The following SORCS3 variants were observed in gnomAD, a reference collection of about 807,000 sequenced individuals.
SORCS3 encodes the protein sortilin related VPS10 domain containing receptor 3, also known as VPS10 domain-containing receptor SorCS3.
Under a neutral mutation model 146.3 loss-of-function variants are expected in SORCS3, and 57 were observed. The observed-to-expected ratio is 0.39, with a 90% confidence interval of 0.31 to 0.49. The LOEUF is 0.49. Ranked by LOEUF, SORCS3 falls within the 20% of genes least tolerant of loss-of-function variation. The pLI, the probability that SORCS3 is intolerant of heterozygous loss-of-function variation, is 0.92. For synonymous variants in SORCS3, 653 were observed against 618.5 expected (o/e 1.06, Z -0.83); for missense variants, 1,341 against 1,575.5 (o/e 0.85, Z 2.52).
At chr10:105,179,719 A>G (rs1415976492) in intron 14 of SORCS3, among the ~76,000 whole-genome samples, 2 of 152,176 alleles carry the variant, frequency 1.3e-5, no homozygotes, top group Admixed American at 1.3e-4. Context: ...TTCTATCTCT[A>G]TTCTAAATTT....
chr10:104,694,488 A>C (rs570520356), intron 1 of SORCS3, among the ~76,000 whole-genome samples: 12 of 152,162 alleles, frequency 7.9e-5, no homozygotes, highest in African/African-American at 2.9e-4. Flanking sequence ...ACAAGCCTTC[A>C]TTCCCCAGCT....
chr10:105,222,558 C>G (rs1233837409), intron 19 of SORCS3, among the ~76,000 whole-genome samples: 1 of 152,150 alleles, frequency 6.6e-6, no homozygotes, highest in Non-Finnish European at 1.5e-5. Context: ...TATTTGGGAA[C>G]CTGGCATTTG....
intron 4 of SORCS3, among the ~76,000 whole-genome samples, chr10:105,004,818 G>A (rs74155086): frequency 6.9e-6 from 1 of 145,472 alleles, no homozygotes; most frequent in African/African-American, 2.6e-5. Flanking sequence ...GGGGGGAAGT[G>A]GGGGGCGGGG....
rs541608235 is a variant in SORCS3 at position 105,067,280 on chromosome 10, A to T, written c.1029-22495A>T. ...GGTGGCTCAAGCCTGTAATCCCAAC[A>T]CTTTGGGAGGCCAAGGCAGGCAGAT... On this transcript the variant is annotated intron_variant, in intron 5 of 26. Transcript: ENST00000369701. 3.7e-3 allele frequency among the ~76,000 whole-genome samples: 566 copies of T among 152,310 alleles called. 1 individual carries two copies. Among genetic ancestry groups the T allele is most frequent in the Non-Finnish European group, 6.7e-3 (455 of 68,022 alleles).
At chr10:105,009,882 T>G (rs1258472033) in intron 4 of SORCS3, among the ~76,000 whole-genome samples, 1 of 152,172 alleles carries the variant, frequency 6.6e-6, no homozygotes, top group Non-Finnish European at 1.5e-5. Flanking sequence ...TCTCCCTGAC[T>G]TCCCATTTCT....
chr10:105,190,351 A>T (rs79317511), intron 14 of SORCS3, among the ~76,000 whole-genome samples: 1,928 of 152,320 alleles, frequency 0.013, 12 homozygotes, highest in East Asian at 0.02. Flanking sequence ...ATCCATGCAT[A>T]GTTGTTAGCA....
chr10:104,721,359 A>G (rs1191275255), intron 1 of SORCS3, among the ~76,000 whole-genome samples: 1 of 152,200 alleles, frequency 6.6e-6, no homozygotes, highest in South Asian at 2.1e-4. Context: ...TACCAGTACC[A>G]TGCTGTTTTG....
At chr10:105,016,674 A>C (rs901994097) in intron 4 of SORCS3, among the ~76,000 whole-genome samples, 2 of 152,076 alleles carry the variant, frequency 1.3e-5, no homozygotes, top group Non-Finnish European at 2.9e-5. Flanking sequence ...ATTATTATAG[A>C]AGATGAAGAT....
chr10:104,828,253 G>A (rs936435434), intron 1 of SORCS3, among the ~76,000 whole-genome samples: 2 of 152,130 alleles, frequency 1.3e-5, no homozygotes, highest in Non-Finnish European at 2.9e-5. Context: ...AATTTAAAGT[G>A]TGAGATGTGT....
chr10:104,973,707 CTGATT>C, intron 3 of SORCS3, among the ~76,000 whole-genome samples: 1 of 150,446 alleles, frequency 6.6e-6, no homozygotes, highest in East Asian at 1.9e-4. Context: ...CAGTTCTGCT[CTGATT>C]TTAGTTATTT....
At chr10:105,012,019 G>A (rs1399219118) in intron 4 of SORCS3, among the ~76,000 whole-genome samples, 4 of 152,196 alleles carry the variant, frequency 2.6e-5, no homozygotes, top group Non-Finnish European at 4.4e-5. Context: ...CTTACATAGG[G>A]TGTTCAGGGA....
At chr10:105,117,906 C>T (rs1315617776) in intron 7 of SORCS3, among the ~76,000 whole-genome samples, 1 of 152,202 alleles carries the variant, frequency 6.6e-6, no homozygotes, top group Non-Finnish European at 1.5e-5. Flanking sequence ...GAAGCATTCT[C>T]GTTGCTTCCT....
chr10:104,647,826 A>T (rs2015512828), intron 1 of SORCS3, among the ~76,000 whole-genome samples: 1 of 152,228 alleles, frequency 6.6e-6, no homozygotes, highest in Non-Finnish European at 1.5e-5. Context: ...TACACTACTT[A>T]GTAAGAGGAT....
intron 3 of SORCS3, among the ~76,000 whole-genome samples, chr10:104,953,061 A>G (rs1589564067): frequency 6.6e-6 from 1 of 152,336 alleles, no homozygotes; most frequent in Non-Finnish European, 1.5e-5. Context: ...AATAAGAATA[A>G]TTGGAAACCC....
intron 2 of SORCS3, among the ~76,000 whole-genome samples, chr10:104,886,431 T>C (rs1217716607): frequency 3.9e-5 from 6 of 152,144 alleles, no homozygotes; most frequent in South Asian, 4.1e-4. Flanking sequence ...TCATATATGT[T>C]TATGTGTGTT....
intron 3 of SORCS3, among the ~76,000 whole-genome samples, chr10:104,931,314 G>A (rs761839256): frequency 6.6e-6 from 1 of 152,202 alleles, no homozygotes; most frequent in Non-Finnish European, 1.5e-5. Context: ...GAGCTGGGCA[G>A]CTAGGTAGCT....
At chr10:104,941,518 A>G (rs1450594838) in intron 3 of SORCS3, among the ~76,000 whole-genome samples, 1 of 152,146 alleles carries the variant, frequency 6.6e-6, no homozygotes, top group East Asian at 1.9e-4. Context: ...TAGGCTGTGC[A>G]CATCTTCTTT....
At chr10:105,048,837 G>A (rs1008514823) in intron 5 of SORCS3, among the ~76,000 whole-genome samples, 5 of 152,016 alleles carry the variant, frequency 3.3e-5, no homozygotes, top group Non-Finnish European at 7.4e-5. Context: ...ATATATACAT[G>A]TGAGTGTGTA....
At chr10:105,152,793 C>T (rs570260116) in intron 9 of SORCS3, among the ~76,000 whole-genome samples, 44 of 152,284 alleles carry the variant, frequency 2.9e-4, no homozygotes, top group African/African-American at 1.0e-3. Flanking sequence ...ATTTATCTCT[C>T]ACAATATCAC....
Sources: allele counts gnomAD v4.1 joint callset (sites outside exome capture counted in the v4.1 genomes callset), GRCh38; gene constraint gnomAD v4.1.1; transcripts MANE v1.5; gene names NCBI Gene and HGNC (gene_info 2026-07-23, HGNC 2026-07-21).